The following HHAT variants were observed in gnomAD, a reference collection of about 807,000 sequenced individuals.
HHAT encodes the protein protein-cysteine N-palmitoyltransferase HHAT.
Under a neutral mutation model 70.8 loss-of-function variants are expected in HHAT, and 47 were observed. The ratio of observed to expected loss-of-function variants is 0.66; its 90% CI spans 0.53 to 0.85. The LOEUF (loss-of-function observed/expected upper bound fraction) is 0.85. Ranked by LOEUF, HHAT falls within the 40% of genes least tolerant of loss-of-function variation. HHAT has a pLI of 0.00. For synonymous variants in HHAT, 228 were observed against 247.6 expected (o/e 0.92, Z 0.74); for missense variants, 609 against 604.8 (o/e 1.01, Z -0.07).
chr1:210,472,995 C>A (rs993932527), intron 8 of HHAT, among the ~76,000 whole-genome samples: 20 of 152,070 alleles, frequency 1.3e-4, no homozygotes, highest in Non-Finnish European at 2.8e-4. Context: ...CTCTTAGAGG[C>A]AATAGATGGC....
intron 9 of HHAT, among the ~76,000 whole-genome samples, chr1:210,539,744 A>G (rs2095409813): frequency 6.6e-6 from 1 of 152,140 alleles, no homozygotes; most frequent in Non-Finnish European, 1.5e-5. Flanking sequence ...GGAGCAGAGA[A>G]GCCACACACA....
intron 8 of HHAT, among the ~76,000 whole-genome samples, chr1:210,474,204 ATAG>A (rs1232549433): frequency 6.6e-6 from 1 of 152,218 alleles, no homozygotes; most frequent in Non-Finnish European, 1.5e-5. Flanking sequence ...GGGCTGGCAC[ATAG>A]TAGGCACTTA....
intron 3 of HHAT, among the ~76,000 whole-genome samples, chr1:210,365,496 T>G (rs1241007406): frequency 6.6e-6 from 1 of 151,988 alleles, no homozygotes; most frequent in Non-Finnish European, 1.5e-5. Context: ...TTTTTTATTT[T>G]TAGTAGAGAT....
intron 1 of HHAT, among the ~76,000 whole-genome samples, chr1:210,347,327 C>T (rs2086612991): frequency 6.6e-6 from 1 of 152,200 alleles, no homozygotes; most frequent in South Asian, 2.1e-4. Context: ...CCTACCTCCC[C>T]TGTTCCACTT....
At chr1:210,491,861 C>T (rs992625851) in intron 8 of HHAT, among the ~76,000 whole-genome samples, 17 of 152,136 alleles carry the variant, frequency 1.1e-4, no homozygotes, top group African/African-American at 3.6e-4. Context: ...CTCCTGGGTT[C>T]AAGCAGTTCT....
At chr1:210,359,760 G>T (rs567533755) in intron 2 of HHAT, among the ~76,000 whole-genome samples, 1 of 152,064 alleles carries the variant, frequency 6.6e-6, no homozygotes, top group Admixed American at 6.6e-5. Context: ...CCAGCCACTT[G>T]AGAGTCTGAG....
intron 7 of HHAT, among the ~76,000 whole-genome samples, chr1:210,435,526 G>GT (rs1287202031): frequency 6.6e-6 from 1 of 151,582 alleles, no homozygotes; most frequent in Non-Finnish European, 1.5e-5. Flanking sequence ...TTCTATTTTT[G>GT]TTTTTTGGGG....
At chr1:210,412,466 C>T (rs543724722) in intron 6 of HHAT, among the ~76,000 whole-genome samples, 1 of 152,274 alleles carries the variant, frequency 6.6e-6, no homozygotes, top group South Asian at 2.1e-4. Context: ...AGCTGTGAGC[C>T]TGTGAAATCA....
chr1:210,353,761 T>C (rs570249978), intron 2 of HHAT, among the ~76,000 whole-genome samples: 2 of 152,260 alleles, frequency 1.3e-5, no homozygotes, highest in South Asian at 2.1e-4. Context: ...AGAGATCTTA[T>C]TAATCTTTTC....
chr1:210,674,589 T>C lies in HHAT; in HGVS notation c.*210T>C. Reference sequence around the variant, plus strand: ...AGTCTTTGAGATCTTCTACCCCAACTCATCATTTTCCTATTGAGGAAACGG... The same window carrying C: ...AGTCTTTGAGATCTTCTACCCCAACCCATCATTTTCCTATTGAGGAAACGG... On this transcript the variant is annotated 3_prime_UTR_variant, in exon 12 of 12. Transcript: ENST00000261458. The C allele has an allele frequency of 1.9e-6, 1 of 538,930 alleles. No individual in the cohort carries two copies. The highest frequency in any genetic ancestry group is 2.6e-5 in the South Asian group (1 of 38,336). The allele number at this position is 538,930 out of a possible 1,614,324, so 33.4% of individuals were successfully genotyped here. A position where few individuals can be genotyped will look rare whatever the true frequency, so the allele number is the denominator to read the frequency against.
At chr1:210,524,199 G>A (rs1313274486) in intron 9 of HHAT, among the ~76,000 whole-genome samples, 1 of 152,190 alleles carries the variant, frequency 6.6e-6, no homozygotes, top group African/African-American at 2.4e-5. Flanking sequence ...GTACTGTATG[G>A]TGTACTTAAA....
intron 9 of HHAT, among the ~76,000 whole-genome samples, chr1:210,537,455 A>G (rs2095385666): frequency 6.6e-6 from 1 of 152,128 alleles, no homozygotes. Context: ...TTTCCACACC[A>G]ATGTGGAGAC....
chr1:210,484,290 T>C (rs558274426), intron 8 of HHAT, among the ~76,000 whole-genome samples: 2 of 152,142 alleles, frequency 1.3e-5, no homozygotes, highest in South Asian at 2.1e-4. Context: ...CCTTATTTAA[T>C]AGAACACTCA....
At chr1:210,341,491 C>T (rs902769599) in intron 1 of HHAT, among the ~76,000 whole-genome samples, 1 of 152,180 alleles carries the variant, frequency 6.6e-6, no homozygotes, top group Non-Finnish European at 1.5e-5. Context: ...AGGATTTCTG[C>T]CTGTATGACA....
chr1:210,621,935 G>A (rs1255622493), intron 10 of HHAT, among the ~76,000 whole-genome samples: 1 of 152,194 alleles, frequency 6.6e-6, no homozygotes, highest in East Asian at 1.9e-4. Context: ...AGAGCCGTGG[G>A]TGGGGAGATG....
chr1:210,470,658 G>A (rs1209989202), intron 8 of HHAT, among the ~76,000 whole-genome samples: 1 of 152,002 alleles, frequency 6.6e-6, no homozygotes, highest in Non-Finnish European at 1.5e-5. Context: ...TTTTTTTTGG[G>A]TGCCTTTACT....
chr1:210,331,112 C>T (rs1234122651), intron 1 of HHAT, among the ~76,000 whole-genome samples: 3 of 152,186 alleles, frequency 2.0e-5, no homozygotes, highest in African/African-American at 7.2e-5. Flanking sequence ...AGGTGTGAAT[C>T]ACCATGCCCC....
chr1:210,495,898 C>T (rs1415584805), intron 8 of HHAT, among the ~76,000 whole-genome samples: 2 of 149,500 alleles, frequency 1.3e-5, no homozygotes, highest in African/African-American at 4.9e-5. Flanking sequence ...ATCCCAGCTA[C>T]TTGGGAGTCT....
intron 10 of HHAT, among the ~76,000 whole-genome samples, chr1:210,620,833 C>T (rs369596834): frequency 6.6e-6 from 1 of 150,786 alleles, no homozygotes; most frequent in East Asian, 1.9e-4. Flanking sequence ...ATTTTAGTTG[C>T]CCCCCCTCTC....
Sources: allele counts gnomAD v4.1 joint callset (sites outside exome capture counted in the v4.1 genomes callset), GRCh38; gene constraint gnomAD v4.1.1; transcripts MANE v1.5; gene names NCBI Gene and HGNC (gene_info 2026-07-23, HGNC 2026-07-21).